The following FHIT variants were observed in gnomAD, a reference collection of about 807,000 sequenced individuals.
FHIT encodes bis(5'-adenosyl)-triphosphatase.
FHIT carries 19 observed loss-of-function variants against 17.9 expected under a neutral mutation model. The observed-to-expected ratio is 1.06, with a 90% confidence interval of 0.74 to 1.56. The LOEUF (loss-of-function observed/expected upper bound fraction) is 1.56, where lower values mean the gene tolerates loss of function less well. FHIT is among the 40% of genes most tolerant of loss of function. The pLI is 0.00. For missense variants in FHIT, 248 were observed against 189.2 expected, an observed-to-expected ratio of 1.31 and a Z score of -1.82; for synonymous variants, 81 against 69.7, an observed-to-expected ratio of 1.16 and a Z score of -0.81.
rs183935964 is a variant in FHIT, at chr3:60,083,676, C to T, written c.104-69524G>A. ...CCTTTTCTCTAATGTCTGGAGAGTA[C>T]ATATTTTATGCTTTTCAGTATGTAT... On this transcript the variant is annotated intron_variant, in intron 5 of 9. Coordinates refer to ENST00000492590, the MANE Select transcript of FHIT (RefSeq NM_002012.4). Among the ~76,000 whole-genome samples the T allele has an allele frequency of 1.1e-4, 17 of 152,242 alleles. No homozygotes were observed. In the East Asian group the frequency reaches 3.3e-3, roughly 29 times the overall value.
At chr3:60,106,605 G>A (rs369571727) in intron 5 of FHIT, among the ~76,000 whole-genome samples, 22 of 152,220 alleles carry the variant, frequency 1.4e-4, no homozygotes, top group African/African-American at 5.3e-4. Flanking sequence ...TGGATAAGGG[G>A]GTACTGTTGT....
chr3:61,191,575 T>C (rs1418935864), intron 2 of FHIT, among the ~76,000 whole-genome samples: 1 of 152,176 alleles, frequency 6.6e-6, no homozygotes, highest in Non-Finnish European at 1.5e-5. Context: ...CTGACTAGTA[T>C]AAGCCCCAGT....
intron 8 of FHIT, among the ~76,000 whole-genome samples, chr3:59,884,608 C>T (rs1703542545): frequency 6.6e-6 from 1 of 152,162 alleles, no homozygotes; most frequent in Non-Finnish European, 1.5e-5. Context: ...TGCCAAGCTA[C>T]ACCAGCTACT....
At chr3:60,478,358 C>A (rs1321680385) in intron 5 of FHIT, among the ~76,000 whole-genome samples, 2 of 152,116 alleles carry the variant, frequency 1.3e-5, no homozygotes, top group Non-Finnish European at 2.9e-5. Flanking sequence ...ATAATCCTAG[C>A]CAACAAATTC....
At chr3:60,090,600 C>T (rs1703689538) in intron 5 of FHIT, among the ~76,000 whole-genome samples, 1 of 152,128 alleles carries the variant, frequency 6.6e-6, no homozygotes, top group African/African-American at 2.4e-5. Context: ...GGGAAGGGAG[C>T]CTCTTAGAAT....
At chr3:60,474,866 G>C (rs1051298794) in intron 5 of FHIT, among the ~76,000 whole-genome samples, 8 of 152,020 alleles carry the variant, frequency 5.3e-5, no homozygotes, top group African/African-American at 1.9e-4. Flanking sequence ...AACCTGATCT[G>C]CCCACCTCAG....
chr3:60,680,119 G>T (rs542925516), intron 4 of FHIT, among the ~76,000 whole-genome samples: 9 of 152,220 alleles, frequency 5.9e-5, no homozygotes, highest in South Asian at 4.1e-4. Flanking sequence ...AACTATTCTG[G>T]ATGATGCCAC....
chr3:60,381,076 T>C (rs1286752393), intron 5 of FHIT, among the ~76,000 whole-genome samples: 3 of 152,192 alleles, frequency 2.0e-5, no homozygotes, highest in Admixed American at 6.5e-5. Flanking sequence ...GCTTGGTGCT[T>C]CATGTCACAT....
intron 5 of FHIT, among the ~76,000 whole-genome samples, chr3:60,311,410 T>C (rs1206261839): frequency 6.6e-6 from 1 of 152,158 alleles, no homozygotes; most frequent in Admixed American, 6.5e-5. Context: ...GACACACACA[T>C]ATCTCTTTGC....
intron 5 of FHIT, among the ~76,000 whole-genome samples, chr3:60,286,358 A>C (rs1559790241): frequency 6.6e-6 from 1 of 152,112 alleles, no homozygotes; most frequent in Admixed American, 6.5e-5. Context: ...AGTTGCAAAT[A>C]TTTTTCCCTC....
At chr3:60,851,435 G>T (rs1186218971) in intron 3 of FHIT, among the ~76,000 whole-genome samples, 1 of 152,096 alleles carries the variant, frequency 6.6e-6, no homozygotes, top group Non-Finnish European at 1.5e-5. Flanking sequence ...CACACTAAGA[G>T]GTTCAGGAAA....
intron 3 of FHIT, among the ~76,000 whole-genome samples, chr3:60,925,746 G>A (rs4378928): frequency 0.6 from 91,481 of 151,984 alleles, 27,852 homozygotes; most frequent in East Asian, 0.71. Flanking sequence ...AAATGCTCCA[G>A]TTAAAAGACA....
intron 4 of FHIT, among the ~76,000 whole-genome samples, chr3:60,809,221 T>C (rs1266203716): frequency 6.6e-6 from 1 of 152,178 alleles, no homozygotes; most frequent in African/African-American, 2.4e-5. Flanking sequence ...ATTGTTCAGA[T>C]TGTGCAATTT....
chr3:60,017,554 C>A (rs1366585239), intron 5 of FHIT, among the ~76,000 whole-genome samples: 2 of 152,218 alleles, frequency 1.3e-5, no homozygotes, highest in Non-Finnish European at 2.9e-5. Context: ...GCTTGTTGGA[C>A]AGTCTAATTA....
chr3:60,937,141 T>C (rs1708225722), intron 3 of FHIT, among the ~76,000 whole-genome samples: 1 of 152,176 alleles, frequency 6.6e-6, no homozygotes, highest in African/African-American at 2.4e-5. Flanking sequence ...GTGTCTTCAA[T>C]GAAGATTTTC....
At chr3:60,565,510 A>C (rs973680911) in intron 4 of FHIT, among the ~76,000 whole-genome samples, 8 of 152,200 alleles carry the variant, frequency 5.3e-5, no homozygotes, top group Non-Finnish European at 1.0e-4. Context: ...TTATTCCTTT[A>C]AAAATATGAG....
At chr3:59,908,843 C>CTTTTTTTTTTTTTTT (rs1264578670) in intron 8 of FHIT, among the ~76,000 whole-genome samples, 1 of 150,740 alleles carries the variant, frequency 6.6e-6, no homozygotes. Context: ...AAGAACATTT[C>CTTTTTTTTTTTTTTT]ATTTTTTAAT....
At chr3:59,947,600 G>T (rs1041716590) in intron 7 of FHIT, among the ~76,000 whole-genome samples, 2 of 152,230 alleles carry the variant, frequency 1.3e-5, no homozygotes, top group African/African-American at 2.4e-5. Context: ...AAGATTTCAG[G>T]GGGCCACGGC....
At chr3:60,086,409 A>G (rs1703495264) in intron 5 of FHIT, among the ~76,000 whole-genome samples, 1 of 152,184 alleles carries the variant, frequency 6.6e-6, no homozygotes, top group African/African-American at 2.4e-5. Flanking sequence ...CATGTGAAAT[A>G]CAATTGTTTC....
Sources: gnomAD v4.1 joint callset for allele counts (sites outside exome capture counted in the v4.1 genomes callset) on GRCh38, gnomAD v4.1.1 for gene constraint, MANE v1.5 for transcripts, NCBI Gene and HGNC (gene_info 2026-07-23, HGNC 2026-07-21) for gene names.